OGDH: variants seen among roughly 807,000 people sequenced by gnomAD.
OGDH encodes oxoglutarate dehydrogenase, also known as 2-oxoglutarate dehydrogenase complex component E1.
Under a neutral mutation model 116.6 loss-of-function variants are expected in OGDH, and 38 were observed. That is an observed-to-expected ratio of 0.33 (90% CI 0.25 to 0.43). The LOEUF is 0.43. Among genes scored for constraint, OGDH ranks in the 20% least tolerant of loss-of-function variants. OGDH has a pLI of 1.00. For synonymous variants in OGDH, 488 were observed against 533.3 expected (o/e 0.92, Z 1.17); for missense variants, 825 against 1,357.2 (o/e 0.61, Z 6.16).
At chr7:44,677,101 T>C (rs1276090894) in intron 9 of OGDH, among the ~76,000 whole-genome samples, 1 of 152,192 alleles carries the variant, frequency 6.6e-6, no homozygotes, top group African/African-American at 2.4e-5. Flanking sequence ...GATAGAATCT[T>C]GTCTGACAAA....
At position 44,694,048 on chromosome 7, in the gene OGDH, C is replaced by G; in HGVS notation, c.1515+44C>G. On this transcript the variant is annotated intron_variant, in intron 11 of 22. Transcript: ENST00000222673. This position sits in a 1 kb window ranked among gnomAD's most constrained non-coding sequence, Gnocchi z 4.2. ...AGCACGTCCTGGGCAGAGCATCTGA[C>G]CCACCCCTCTTGCCCTCGGCACCCC... 6.4e-7 allele frequency: 1 copy of G among 1,568,594 alleles called. No individual in the cohort carries two copies. Among genetic ancestry groups the G allele is most frequent in the Non-Finnish European group, 8.7e-7 (1 of 1,149,896 alleles).
chr7:44,697,154 A>G lies in OGDH; in HGVS notation c.2051+90A>G. On this transcript the variant is annotated intron_variant, in intron 15 of 22. Transcript: ENST00000222673. The surrounding 1 kb of genome is among the most constrained non-coding windows in gnomAD (Gnocchi z 6.0). ...TGTTTCTTTTCCGGAAGACGGTTAGAAACCGGAAGAGTCACATTGCTCTCA... is the reference window on the plus strand; with the variant it reads ...TGTTTCTTTTCCGGAAGACGGTTAGGAACCGGAAGAGTCACATTGCTCTCA... 6.5e-7 allele frequency: 1 copy of G among 1,536,472 alleles called. No individual in the cohort carries two copies. Among genetic ancestry groups the G allele is most frequent in the South Asian group, 1.2e-5 (1 of 81,786 alleles).
At chr7:44,674,714 G>C (rs1787613061) in intron 7 of OGDH, 157 bp downstream of exon 7, 1 of 768,972 alleles carries the variant, frequency 1.3e-6, no homozygotes, top group Admixed American at 2.8e-5. Flanking sequence ...GCTTTGCAGG[G>C]GATTCTCACA....
At position 44,697,748 on chromosome 7, in the gene OGDH, T is replaced by C; in HGVS notation, c.2324T>C (p.Ile775Thr). ...GQAKWVRQNG[I>T]VLLLPHGMEG... is the part of the protein sequence containing the mutation. ...GCCAAGTGGGTGCGGCAGAATGGCA[T>C]CGTGTTGCTGCTGCCCCATGGCATG... Residue 775 changes from isoleucine to threonine, a missense_variant, in exon 17 of 23, where the codon ATC becomes ACC. Transcript: ENST00000222673. This position sits in a 1 kb window ranked among gnomAD's most constrained non-coding sequence, Gnocchi z 6.0. 6.2e-7 allele frequency: 1 copy of C among 1,614,162 alleles called. No individual in the cohort carries two copies. Among genetic ancestry groups the C allele is most frequent in the Non-Finnish European group, 8.5e-7 (1 of 1,180,024 alleles).
chr7:44,638,701 C>T (rs181322330), intron 2 of OGDH, among the ~76,000 whole-genome samples: 45 of 152,344 alleles, frequency 3.0e-4, no homozygotes, highest in African/African-American at 5.5e-4. Flanking sequence ...GAGCTGAGGT[C>T]GCCTGACTCA....
At chr7:44,693,780 C>T (rs1310359439) in intron 10 of OGDH, 45 bp from the exon 11 acceptor site, 26 of 1,522,230 alleles carry the variant, frequency 1.7e-5, no homozygotes, top group Non-Finnish European at 1.8e-5. Flanking sequence ...GTCCCTGTGC[C>T]GGCTGTGCCA....
intron 1 of OGDH, among the ~76,000 whole-genome samples, chr7:44,618,640 G>A (rs1784895024): frequency 6.6e-6 from 1 of 152,230 alleles, no homozygotes; most frequent in Admixed American, 6.5e-5. Flanking sequence ...AAAGGTGGAA[G>A]TCTTTTGTTA....
intron 10 of OGDH, 74 bp downstream of exon 10, chr7:44,681,922 A>G (rs1255587866): frequency 6.4e-6 from 10 of 1,551,668 alleles, no homozygotes; most frequent in East Asian, 2.3e-5. Context: ...GTCATTTAGG[A>G]CGTTCACTGT....
At chr7:44,670,029 G>A (rs1787365566) in intron 5 of OGDH, among the ~76,000 whole-genome samples, 1 of 151,838 alleles carries the variant, frequency 6.6e-6, no homozygotes, top group African/African-American at 2.4e-5. Context: ...TCTCATTAGA[G>A]GGAAAAACAA....
intron 18 of OGDH, 118 bp from the exon 19 acceptor site, chr7:44,700,023 T>A: frequency 2.6e-6 from 3 of 1,132,096 alleles, no homozygotes; most frequent in Non-Finnish European, 3.8e-6. Flanking sequence ...GAGATTACAA[T>A]TCAACATGAG....
intron 2 of OGDH, among the ~76,000 whole-genome samples, chr7:44,643,929 AGGCGCGATG>A (rs1243576600): frequency 6.6e-6 from 1 of 152,214 alleles, no homozygotes; most frequent in African/African-American, 2.4e-5. Context: ...ATGTTTTGCC[AGGCGCGATG>A]GCTTACGCCT....
chr7:44,680,609 C>G (rs1787890470), intron 9 of OGDH, among the ~76,000 whole-genome samples: 1 of 152,056 alleles, frequency 6.6e-6, no homozygotes, highest in Admixed American at 6.5e-5. Flanking sequence ...TGCATATGCA[C>G]ACATGTATTT....
chr7:44,659,856 CT>C (rs1217541007), intron 4 of OGDH, among the ~76,000 whole-genome samples: 1 of 152,112 alleles, frequency 6.6e-6, no homozygotes, highest in Non-Finnish European at 1.5e-5. Context: ...GTCGATGTTA[CT>C]AATCTTTTCA....
chr7:44,652,038 A>G (rs920838312), intron 4 of OGDH, among the ~76,000 whole-genome samples: 1 of 151,784 alleles, frequency 6.6e-6, no homozygotes, highest in Non-Finnish European at 1.5e-5. Flanking sequence ...TTTAAAATTA[A>G]TTTTAGAACA....
At chr7:44,613,111 C>T (rs536989669) in intron 1 of OGDH, among the ~76,000 whole-genome samples, 2 of 151,992 alleles carry the variant, frequency 1.3e-5, no homozygotes, top group South Asian at 2.1e-4. Flanking sequence ...CTCCTGACCT[C>T]GTGATCCACT....
At chr7:44,699,227 A>G (rs950195282) in intron 18 of OGDH, among the ~76,000 whole-genome samples, 1 of 152,042 alleles carries the variant, frequency 6.6e-6, no homozygotes. Flanking sequence ...GGAGTTTGAG[A>G]CCACCCTGGC....
chr7:44,611,745 C>T lies in OGDH; in HGVS notation c.-28+5092C>T, dbSNP rs533890060. On this transcript the variant is annotated intron_variant, in intron 1 of 22. Transcript: ENST00000222673. Reference sequence around the variant, plus strand: ...AAATTTTTAAATTTTACATTTAAATCTATGATTCATTTAGACTTAATTTCT... The same window carrying T: ...AAATTTTTAAATTTTACATTTAAATTTATGATTCATTTAGACTTAATTTCT... Among the ~76,000 whole-genome samples, 12 of 151,542 alleles carry T rather than the reference C, an allele frequency of 7.9e-5. No homozygotes were observed. The East Asian group carries it at 2.1e-3, about 27-fold the overall frequency.
intron 19 of OGDH, among the ~76,000 whole-genome samples, chr7:44,700,548 G>A (rs1788782586): frequency 1.3e-5 from 2 of 152,210 alleles, no homozygotes; most frequent in African/African-American, 4.8e-5. Context: ...AGCCCGGTGG[G>A]GAGGACGGAT....
intron 1 of OGDH, among the ~76,000 whole-genome samples, chr7:44,612,153 G>T (rs932243746): frequency 2.0e-5 from 3 of 152,098 alleles, no homozygotes; most frequent in African/African-American, 4.8e-5. Flanking sequence ...TGTTTGAGAA[G>T]ACTGTTTTTC....
Sources: gnomAD v4.1 joint callset for allele counts (sites outside exome capture counted in the v4.1 genomes callset) on GRCh38, gnomAD v4.1.1 for gene constraint, Gnocchi (gnomAD v3.1) non-coding constraint, MANE v1.5 for transcripts, NCBI Gene and HGNC (gene_info 2026-07-23, HGNC 2026-07-21) for gene names.